SLC10A7: variants seen among roughly 807,000 people sequenced by gnomAD.
SLC10A7 encodes the protein solute carrier family 10 member 7.
In SLC10A7, 29 loss-of-function variants were observed where a neutral mutation model predicts 43.2. That is an observed-to-expected ratio of 0.67 (90% confidence interval 0.50 to 0.92). The LOEUF (loss-of-function observed/expected upper bound fraction) is 0.92, where lower values mean the gene tolerates loss of function less well. Among genes scored for constraint, SLC10A7 ranks in the 40% least tolerant of loss-of-function variants. The pLI, the probability that SLC10A7 is intolerant of heterozygous loss-of-function variation, is 0.00. For synonymous variants in SLC10A7, 152 were observed against 144.8 expected (o/e 1.05, Z -0.35); for missense variants, 295 against 403.2 (o/e 0.73, Z 2.30).
chr4:146,269,258 T>A (rs1174522894), intron 10 of SLC10A7, among the ~76,000 whole-genome samples: 3 of 152,222 alleles, frequency 2.0e-5, no homozygotes, highest in Non-Finnish European at 4.4e-5. Flanking sequence ...ACTCTACCAA[T>A]TGAAGGTTTC....
At chr4:146,468,103 C>T (rs558054668) in intron 4 of SLC10A7, among the ~76,000 whole-genome samples, 90 of 152,310 alleles carry the variant, frequency 5.9e-4, no homozygotes, top group Middle Eastern at 3.4e-3. Flanking sequence ...GCTAGAGAAC[C>T]TCTAACGAGT....
At chr4:146,397,979 T>C (rs915378062) in intron 5 of SLC10A7, among the ~76,000 whole-genome samples, 1 of 152,210 alleles carries the variant, frequency 6.6e-6, no homozygotes, top group East Asian at 1.9e-4. Flanking sequence ...TAAAGCAAAG[T>C]TCGCTCTTCA....
chr4:146,383,179 G>A (rs1247584282), intron 5 of SLC10A7, among the ~76,000 whole-genome samples: 1 of 152,110 alleles, frequency 6.6e-6, no homozygotes, highest in East Asian at 1.9e-4. Flanking sequence ...GGGCTCTGAA[G>A]TAATAATAGT....
chr4:146,324,359 T>A (rs755024143), intron 6 of SLC10A7, among the ~76,000 whole-genome samples: 3 of 152,164 alleles, frequency 2.0e-5, no homozygotes, highest in Non-Finnish European at 4.4e-5. Context: ...AGAGCCTGCA[T>A]TGCCAACTCT....
intron 5 of SLC10A7, among the ~76,000 whole-genome samples, chr4:146,356,220 T>A (rs1321066017): frequency 6.6e-6 from 1 of 152,028 alleles, no homozygotes; most frequent in Non-Finnish European, 1.5e-5. Context: ...AAAAATCTTT[T>A]ACTATGAGTT....
intron 4 of SLC10A7, among the ~76,000 whole-genome samples, chr4:146,482,980 C>T (rs936714365): frequency 9.2e-5 from 14 of 151,952 alleles, no homozygotes; most frequent in Admixed American, 2.6e-4. Context: ...ACCAAGAATA[C>T]TATATCCCCA....
intron 4 of SLC10A7, among the ~76,000 whole-genome samples, chr4:146,474,564 A>G (rs1733871765): frequency 6.6e-6 from 1 of 152,186 alleles, no homozygotes; most frequent in Admixed American, 6.6e-5. Flanking sequence ...TAGTTATGCC[A>G]TCACTAAGAA....
chr4:146,513,641 A>C (rs1737678118), intron 2 of SLC10A7, among the ~76,000 whole-genome samples: 1 of 152,222 alleles, frequency 6.6e-6, no homozygotes, highest in Admixed American at 6.5e-5. Flanking sequence ...CACAACAACC[A>C]ACCATGTTGG....
At chr4:146,478,647 T>C (rs1032102894) in intron 4 of SLC10A7, among the ~76,000 whole-genome samples, 6 of 152,206 alleles carry the variant, frequency 3.9e-5, no homozygotes, top group African/African-American at 1.4e-4. Flanking sequence ...TGTGGGACAA[T>C]GTCTAAGATT....
At chr4:146,305,091 C>T (rs1489069862) in intron 7 of SLC10A7, among the ~76,000 whole-genome samples, 2 of 150,932 alleles carry the variant, frequency 1.3e-5, no homozygotes, top group Non-Finnish European at 2.9e-5. Flanking sequence ...ACCCAAAGGA[C>T]TATAAGTCAT....
At chr4:146,363,773 A>T (rs914734287) in intron 5 of SLC10A7, among the ~76,000 whole-genome samples, 1 of 152,184 alleles carries the variant, frequency 6.6e-6, no homozygotes, top group South Asian at 2.1e-4. Flanking sequence ...TGAAGAAATT[A>T]AGAAGGAAAC....
intron 5 of SLC10A7, 196 bp downstream of exon 5, chr4:146,442,587 C>T (rs571688198): frequency 3.5e-6 from 5 of 1,418,644 alleles, no homozygotes; most frequent in Admixed American, 7.1e-5. Context: ...CCCAAACCTC[C>T]AAAATATATT....
intron 6 of SLC10A7, among the ~76,000 whole-genome samples, chr4:146,315,012 C>G (rs572330437): frequency 6.6e-6 from 1 of 152,158 alleles, no homozygotes; most frequent in Admixed American, 6.6e-5. Flanking sequence ...AGGAAAGAAG[C>G]CTAGATACAC....
intron 5 of SLC10A7, among the ~76,000 whole-genome samples, chr4:146,348,094 G>T (rs189918743): frequency 7.8e-4 from 119 of 152,132 alleles, no homozygotes; most frequent in African/African-American, 2.7e-3. Context: ...AACTAATGGG[G>T]GTCACCAAGC....
chr4:146,305,497 T>C (rs1240615043), intron 7 of SLC10A7, among the ~76,000 whole-genome samples: 2 of 150,534 alleles, frequency 1.3e-5, no homozygotes, highest in Non-Finnish European at 3.0e-5. Context: ...GTGGGTGCAG[T>C]GCACCAGCAT....
chr4:146,465,595 A>C (rs1271246516), intron 4 of SLC10A7, among the ~76,000 whole-genome samples: 1 of 152,160 alleles, frequency 6.6e-6, no homozygotes, highest in African/African-American at 2.4e-5. Context: ...ATTTCCATTA[A>C]AACAGTGAAG....
At chr4:146,256,922 G>C in intron 11 of SLC10A7, 1 of 1,535,996 alleles carries the variant, frequency 6.5e-7, no homozygotes, top group Non-Finnish European at 8.7e-7. Flanking sequence ...GTGGCCCCCT[G>C]GTTTGGAGTA....
chr4:146,371,964 T>G (rs1410420103), intron 5 of SLC10A7, among the ~76,000 whole-genome samples: 1 of 152,150 alleles, frequency 6.6e-6, no homozygotes, highest in Non-Finnish European at 1.5e-5. Flanking sequence ...CCAGTCATCT[T>G]AGTATCCCGG....
intron 10 of SLC10A7, among the ~76,000 whole-genome samples, chr4:146,271,687 A>G (rs539999216): frequency 6.6e-6 from 1 of 152,142 alleles, no homozygotes; most frequent in Non-Finnish European, 1.5e-5. Context: ...ATGGCCAATA[A>G]GGCCTAACAC....
Sources: allele counts gnomAD v4.1 joint callset (sites outside exome capture counted in the v4.1 genomes callset), GRCh38; gene constraint gnomAD v4.1.1; transcripts MANE v1.5; gene names NCBI Gene and HGNC (gene_info 2026-07-23, HGNC 2026-07-21).